Variants in HSDL2 observed in about 807,000 individuals in gnomAD.
The protein encoded by HSDL2 is hydroxysteroid dehydrogenase like 2, also known as hydroxysteroid dehydrogenase-like protein 2.
A neutral mutation model predicts 46.3 loss-of-function variants in HSDL2; 27 were observed. That is an observed-to-expected ratio of 0.58 (90% CI 0.43 to 0.80). The LOEUF is 0.80. Among genes scored for constraint, HSDL2 ranks in the 30% least tolerant of loss-of-function variants. The pLI, the probability that HSDL2 is intolerant of heterozygous loss-of-function variation, is 0.00. For missense variants in HSDL2, 451 were observed against 502.7 expected (o/e 0.90, Z 0.98); for synonymous variants, 153 against 163.6 (o/e 0.94, Z 0.50).
In HSDL2 at chr9:112,438,639, A is replaced by C. The variant is rs1426987800; in HGVS notation, c.793+14A>C. ...CAATTAAACCAGGTAATGCTTTTAT[A>C]GTTTTTAAAAGTAGTGATACGTTTT... On this transcript the variant is annotated intron_variant, in intron 7 of 10. Coordinates refer to ENST00000398805, the MANE Select transcript of HSDL2 (RefSeq NM_032303.5). 2 of 1,427,974 alleles carry C rather than the reference A, an allele frequency of 1.4e-6. No individual in the cohort carries two copies. The allele number at this position is 1,427,974 out of a possible 1,614,324, so 88.5% of individuals were successfully genotyped here.
rs1257986359 is a variant in HSDL2, at chr9:112,404,191, T to C, written c.181+33T>C. 1.9e-6 allele frequency: 3 copies of C among 1,594,900 alleles called. No homozygotes were observed. In the African/African-American group the frequency reaches 4.0e-5, roughly 21 times the overall value. On this transcript the variant is annotated intron_variant, in intron 2 of 10. Transcript: ENST00000398805. ...TGACAGTGCCATTTGATAAAATGTC[T>C]TTCTAGTGGTTTCAATACATAGAGA... is the stretch of plus-strand genomic sequence containing the variant.
intron 2 of HSDL2, among the ~76,000 whole-genome samples, chr9:112,405,324 C>T (rs1195558697): frequency 6.6e-6 from 1 of 152,140 alleles, no homozygotes; most frequent in African/African-American, 2.4e-5. Flanking sequence ...TTCACCCAAG[C>T]CTGGGCAAGA....
intron 1 of HSDL2, among the ~76,000 whole-genome samples, chr9:112,386,956 T>C (rs1831230630): frequency 6.6e-6 from 1 of 152,170 alleles, no homozygotes; most frequent in Non-Finnish European, 1.5e-5. Context: ...CTGGCAGTGA[T>C]TAAAAGAGAA....
intron 6 of HSDL2, among the ~76,000 whole-genome samples, chr9:112,435,069 A>G (rs550848720): frequency 6.6e-6 from 1 of 152,136 alleles, no homozygotes; most frequent in Non-Finnish European, 1.5e-5. Flanking sequence ...TTTCTAACCT[A>G]TTGGGTTAGC....
intron 5 of HSDL2, 144 bp downstream of exon 5, chr9:112,417,088 A>C (rs2132640948): frequency 4.5e-6 from 2 of 449,128 alleles, no homozygotes; most frequent in Non-Finnish European, 8.0e-6. Flanking sequence ...GCATTTGGAA[A>C]GTAGATTCTT....
rs74981225 is a variant in HSDL2 at position 112,389,578 on chromosome 9, C to A, written c.17+9398C>A. Among the ~76,000 whole-genome samples the A allele has an allele frequency of 3.7e-3, 557 of 152,084 alleles. 23 individuals are homozygous for A. The East Asian group carries it at 0.095, about 26-fold the overall frequency. ...TAAAGCCAACAAAAGATGTATAATA[C>A]CTTTCTGTAGGAAATTATATCATAA... On this transcript the variant is annotated intron_variant, in intron 1 of 10. Transcript: ENST00000398805.
chr9:112,391,271 G>A (rs73533966), intron 1 of HSDL2, among the ~76,000 whole-genome samples: 1,733 of 151,744 alleles, frequency 0.011, 36 homozygotes, highest in African/African-American at 0.039. Flanking sequence ...TTAAAGATGA[G>A]CCTGGGCGAC....
At chr9:112,409,210 A>G (rs778288039) in intron 4 of HSDL2, among the ~76,000 whole-genome samples, 189 bp downstream of exon 4, 10 of 152,006 alleles carry the variant, frequency 6.6e-5, no homozygotes, top group African/African-American at 1.2e-4. Flanking sequence ...TTTTTTTGAG[A>G]TGGAGTTTCA....
At position 112,459,527 on chromosome 9, in the gene HSDL2, C is replaced by T; in HGVS notation, c.1094C>T (p.Ala365Val). The change falls in exon 10 of 11, where the codon GCA (alanine) becomes GTA (valine). Residue 365 changes from alanine to valine, a missense_variant. Transcript: ENST00000398805. The stretch of plus-strand genomic sequence containing the variant: ...GGATATGGAGAGCCTTCTGATCAGG[C>T]AGATGTGGTGATGAGTATGACTACT... ...NVGYGEPSDQ[A>V]DVVMSMTTDD... 6.2e-7 allele frequency: 1 copy of T among 1,613,702 alleles called. No homozygotes were observed.
chr9:112,465,616 C>T (rs1027773776), intron 10 of HSDL2, among the ~76,000 whole-genome samples: 2 of 152,170 alleles, frequency 1.3e-5, no homozygotes, highest in African/African-American at 4.8e-5. Flanking sequence ...TATTGATTTG[C>T]ATATTCTGAA....
intron 8 of HSDL2, among the ~76,000 whole-genome samples, chr9:112,450,075 A>G (rs1206352512): frequency 6.6e-6 from 1 of 152,160 alleles, no homozygotes; most frequent in Non-Finnish European, 1.5e-5. Context: ...GGCTACATCC[A>G]ATCGATTTTG....
chr9:112,434,655 CAT>C (rs1316957764), intron 6 of HSDL2, among the ~76,000 whole-genome samples: 1 of 152,160 alleles, frequency 6.6e-6, no homozygotes, highest in African/African-American at 2.4e-5. Context: ...TGGATACACA[CAT>C]GAGTGTGTGG....
chr9:112,470,451 G>C lies in HSDL2; in HGVS notation c.1164G>C (p.Met388Ile). 1 of 1,609,590 alleles carries C rather than the reference G, an allele frequency of 6.2e-7. No homozygotes were observed. The highest frequency in any genetic ancestry group is 2.2e-5 in the East Asian group (1 of 44,692). ...KMFSGKLKPT[M>I]AFMSGKLKIK... Reference sequence around the variant, plus strand: ...TTTTAGGGAAACTAAAACCAACAATGGCATTCATGTCAGGGAAATTGAAGA... The same window carrying C: ...TTTTAGGGAAACTAAAACCAACAATCGCATTCATGTCAGGGAAATTGAAGA... The change falls in exon 11 of 11, where the codon ATG becomes ATC. Residue 388 changes from methionine to isoleucine, a missense_variant. By Grantham distance (10) the Met-to-Ile change is conservative. Coordinates refer to ENST00000398805, the MANE Select transcript of HSDL2 (RefSeq NM_032303.5).
chr9:112,391,155 G>A (rs1831334934), intron 1 of HSDL2, among the ~76,000 whole-genome samples: 2 of 150,760 alleles, frequency 1.3e-5, no homozygotes, highest in African/African-American at 2.4e-5. Context: ...CAGTCTGGGT[G>A]ACAGAGTAAG....
At chr9:112,448,379 T>C (rs2132683379) in intron 8 of HSDL2, among the ~76,000 whole-genome samples, 1 of 152,314 alleles carries the variant, frequency 6.6e-6, no homozygotes. Context: ...ATAAGTAAGG[T>C]GTTAACATTT....
intron 4 of HSDL2, among the ~76,000 whole-genome samples, chr9:112,413,184 A>G (rs1564113498): frequency 6.7e-6 from 1 of 150,076 alleles, no homozygotes; most frequent in Non-Finnish European, 1.5e-5. Flanking sequence ...TCATAATGAA[A>G]TATTTCTATT....
intron 6 of HSDL2, among the ~76,000 whole-genome samples, chr9:112,426,133 A>C (rs541466795): frequency 6.6e-6 from 1 of 150,622 alleles, no homozygotes; most frequent in Non-Finnish European, 1.5e-5. Flanking sequence ...CACCCTGGTC[A>C]CCCCCATCTG....
intron 9 of HSDL2, among the ~76,000 whole-genome samples, chr9:112,458,995 G>C (rs1833122151): frequency 3.4e-5 from 1 of 29,300 alleles, no homozygotes; most frequent in Non-Finnish European, 5.9e-5. Flanking sequence ...AAAAAGAAAA[G>C]AAAAAGAAAA....
intron 1 of HSDL2, among the ~76,000 whole-genome samples, chr9:112,393,344 A>G (rs1643722587): frequency 6.6e-6 from 1 of 152,228 alleles, no homozygotes; most frequent in African/African-American, 2.4e-5. Context: ...CATCAGTCTC[A>G]TTGTAGGAAT....
Sources: allele counts gnomAD v4.1 joint callset (sites outside exome capture counted in the v4.1 genomes callset), GRCh38; gene constraint gnomAD v4.1.1; transcripts MANE v1.5; gene names NCBI Gene and HGNC (gene_info 2026-07-23, HGNC 2026-07-21).